OR6K2: variants seen among roughly 807,000 people sequenced by gnomAD.
OR6K2 encodes olfactory receptor family 6 subfamily K member 2, also known as olfactory receptor 6K2.
For missense variants in OR6K2, 450 were observed against 402.5 expected (o/e 1.12, Z -1.01); for synonymous variants, 139 against 143.8 (o/e 0.97, Z 0.24).
In OR6K2 at chr1:158,700,392, A is replaced by G. The variant is rs774876083; in HGVS notation, c.261T>C (p.Ser87=). Residue 87 remains serine (S), a synonymous_variant, in exon 1 of 1, where the codon AGT becomes AGC. Transcript: ENST00000359610. ...AACCATTGAAGGAAATGCTCCTCTC[A>G]CTAAGCAGGCTAGACAGCATCTTTG... ...TIPKMLSSLL[S]ERSISFNGCL... 1.9e-6 allele frequency: 3 copies of G among 1,614,228 alleles called. No homozygotes were observed. The highest frequency in any genetic ancestry group is 1.7e-6 in the Non-Finnish European group (2 of 1,180,042).
In OR6K2 at chr1:158,700,337, T is replaced by G; in HGVS notation, c.316A>C (p.Thr106Pro). ...CLLQMYFFHSTGICEVCLLTV... is the reference protein window; with the variant it reads ...CLLQMYFFHSPGICEVCLLTV... ...AAGAGACACACCTCACAGATGCCGG[T>G]GGAATGGAAGAAATACATCTGCAGG... The change falls in exon 1 of 1, where the codon ACC becomes CCC. Residue 106 changes from threonine (T) to proline (P), a missense_variant. Physicochemically the swap from Thr to Pro is conservative, Grantham distance 38. Transcript: ENST00000359610. 1 of 1,613,938 alleles carries G rather than the reference T, an allele frequency of 6.2e-7. No homozygotes were observed. The highest frequency in any genetic ancestry group is 2.2e-5 in the East Asian group (1 of 44,862).
In OR6K2 at chr1:158,700,273, C is replaced by T; in HGVS notation, c.380G>A (p.Ser127Asn). Reference sequence around the variant, plus strand: ...CATGATAGAGGGATAATGAAGAGGGCTGCATATGGCCAGGTAGTGGTCAAA... The same window carrying T: ...CATGATAGAGGGATAATGAAGAGGGTTGCATATGGCCAGGTAGTGGTCAAA... ...MAFDHYLAIC[S>N]PLHYPSIMTP... The change falls in exon 1 of 1, where the codon AGC becomes AAC. Residue 127 changes from serine (S) to asparagine (N), a missense_variant. Ser to Asn is a conservative substitution (Grantham distance 46). Transcript: ENST00000359610. The T allele has an allele frequency of 6.2e-7, 1 of 1,614,014 alleles. No individual in the cohort carries two copies. Among genetic ancestry groups the T allele is most frequent in the Non-Finnish European group, 8.5e-7 (1 of 1,180,000 alleles).
chr1:158,700,170 C>A lies in OR6K2; in HGVS notation c.483G>T (p.Trp161Cys), dbSNP rs1655761871. 1 of 1,613,822 alleles carries A rather than the reference C, an allele frequency of 6.2e-7. No individual in the cohort carries two copies. The highest frequency in any genetic ancestry group is 8.5e-7 in the Non-Finnish European group (1 of 1,179,944). ...AACCACAAAATGGCAGTGTAGAGATCCAGGCAATCTCAGGAAGGGGTGTGA... is the reference window on the plus strand; with the variant it reads ...AACCACAAAATGGCAGTGTAGAGATACAGGCAATCTCAGGAAGGGGTGTGA... ...GFITPLPEIAWISTLPFCGSN... is the reference protein window; with the variant it reads ...GFITPLPEIACISTLPFCGSN... The change falls in exon 1 of 1, where the codon TGG (tryptophan) becomes TGT (cysteine). Residue 161 changes from tryptophan (W) to cysteine (C), a missense_variant. Coordinates refer to ENST00000359610, the MANE Select transcript of OR6K2 (RefSeq NM_001005279.3).
In OR6K2 at chr1:158,699,868, C is replaced by A; in HGVS notation, c.785G>T (p.Arg262Leu). The change falls in exon 1 of 1, where the codon CGC (arginine) becomes CTC (leucine). Residue 262 changes from arginine (R) to leucine (L), a missense_variant. By Grantham distance (102) the Arg-to-Leu change is moderately radical. Transcript: ENST00000359610. ...GAACAAAGAGTAGGTGGCAGAGAAG[C>A]GTAGGTACATGAGAGTCACACTGCC... Reference protein sequence around the residue: ...FFGSVTLMYLRFSATYSLFWD... With the variant: ...FFGSVTLMYLLFSATYSLFWD... 4 of 1,613,966 alleles carry A rather than the reference C, an allele frequency of 2.5e-6. No homozygotes were observed. The highest frequency in any genetic ancestry group is 3.4e-6 in the Non-Finnish European group (4 of 1,180,002).
rs766655256 is a variant in OR6K2, at chr1:158,700,005, G to A, written c.648C>T (p.Phe216=). Residue 216 remains phenylalanine, a synonymous_variant, in exon 1 of 1, where the codon TTC becomes TTT. Transcript: ENST00000359610. ...VEIITAVMLI[F]MSYDGIVAVI... ...CAGCCACAATACCATCGTAGGACAT[G>A]AAGATGAGCATCACAGCTGTAATAA... 2 of 1,614,138 alleles carry A rather than the reference G, an allele frequency of 1.2e-6. No homozygotes were observed. Among genetic ancestry groups the A allele is most frequent in the African/African-American group, 1.3e-5 (1 of 75,050 alleles).
In OR6K2 at chr1:158,700,639, T is replaced by C. The variant is rs201083801; in HGVS notation, c.14A>G (p.Asn5Ser). Residue 5 changes from asparagine (N) to serine (S), a missense_variant, in exon 1 of 1, where the codon AAT (asparagine) becomes AGT (serine). Transcript: ENST00000359610. MESP[N>S]RTTIQEFIFS... ...GATAAACTCCTGAATGGTGGTTCGA[T>C]TGGGGCTCTCCATCTCCAAGTTGAA... 4.8e-5 allele frequency: 78 copies of C among 1,609,620 alleles called. No homozygotes were observed. Among genetic ancestry groups the C allele is most frequent in the South Asian group, 6.6e-5 (6 of 91,014 alleles).
Position 158,700,039 on chromosome 1 carries a change from G to A in OR6K2, c.614C>T (p.Ala205Val). ...CATCACAGCTGTAATAATCTCCACTGCATGAATGACATCCACTACCTGAAT... is the reference window on the plus strand; with the variant it reads ...CATCACAGCTGTAATAATCTCCACTACATGAATGACATCCACTACCTGAAT... ...VMIQVVDVIHAVEIITAVMLI... is the reference protein window; with the variant it reads ...VMIQVVDVIHVVEIITAVMLI... The change falls in exon 1 of 1, where the codon GCA becomes GTA. Residue 205 changes from alanine (A) to valine (V), a missense_variant. Ala to Val is a moderately conservative substitution (Grantham distance 64). Coordinates refer to ENST00000359610, the MANE Select transcript of OR6K2 (RefSeq NM_001005279.3). 1 of 1,614,022 alleles carries A rather than the reference G, an allele frequency of 6.2e-7. No individual in the cohort carries two copies. Among genetic ancestry groups the A allele is most frequent in the Non-Finnish European group, 8.5e-7 (1 of 1,180,022 alleles).
At position 158,700,531 on chromosome 1, in the gene OR6K2, CCAA is replaced by C. The variant is rs750913143; in HGVS notation, c.119_121del (p.Val40del). ...GACCACTGTGATGATGACCAGGTTTCCAACAACAATGAAAGCATAGATGAAGAG... is the reference window on the plus strand; with the variant it reads ...GACCACTGTGATGATGACCAGGTTTCCAACAATGAAAGCATAGATGAAGAG... On this transcript the variant is annotated inframe_deletion, in exon 1 of 1. Coordinates refer to ENST00000359610, the MANE Select transcript of OR6K2 (RefSeq NM_001005279.3). 6.2e-6 allele frequency: 10 copies of C among 1,614,068 alleles called. No individual in the cohort carries two copies. The highest frequency in any genetic ancestry group is 8.5e-6 in the Non-Finnish European group (10 of 1,180,002).
rs1196155400 is a variant in OR6K2, at chr1:158,699,993, A to T, written c.660T>A (p.Asp220Glu). Reference protein sequence around the residue: ...TAVMLIFMSYDGIVAVILRIH... With the variant: ...TAVMLIFMSYEGIVAVILRIH... ...TACGTAGAATTACAGCCACAATACC[A>T]TCGTAGGACATGAAGATGAGCATCA... is the stretch of plus-strand genomic sequence containing the variant. The change falls in exon 1 of 1, where the codon GAT becomes GAA. Residue 220 changes from aspartate to glutamate, a missense_variant. Coordinates refer to ENST00000359610, the MANE Select transcript of OR6K2 (RefSeq NM_001005279.3). 1 of 1,614,144 alleles carries T rather than the reference A, an allele frequency of 6.2e-7. No individual in the cohort carries two copies. The highest frequency in any genetic ancestry group is 2.2e-5 in the East Asian group (1 of 44,884).
Position 158,700,289 on chromosome 1 carries a change from A to G in OR6K2, c.364T>C (p.Tyr122His). 21 of 1,614,166 alleles carry G rather than the reference A, an allele frequency of 1.3e-5. No homozygotes were observed. Among genetic ancestry groups the G allele is most frequent in the Non-Finnish European group, 1.7e-5 (20 of 1,180,028 alleles). The change falls in exon 1 of 1, where the codon TAC (tyrosine) becomes CAC (histidine). Residue 122 changes from tyrosine to histidine, a missense_variant. By Grantham distance (83) the Tyr-to-His change is moderately conservative (BLOSUM62 2). Coordinates refer to ENST00000359610, the MANE Select transcript of OR6K2 (RefSeq NM_001005279.3). ...CLLTVMAFDHYLAICSPLHYP... is the reference protein window; with the variant it reads ...CLLTVMAFDHHLAICSPLHYP... Reference sequence around the variant, plus strand: ...TGAAGAGGGCTGCATATGGCCAGGTAGTGGTCAAAGGCCATAACTGTCAAG... The same window carrying G: ...TGAAGAGGGCTGCATATGGCCAGGTGGTGGTCAAAGGCCATAACTGTCAAG...
Position 158,700,424 on chromosome 1 carries a change from T to C in OR6K2, c.229A>G (p.Thr77Ala). The change falls in exon 1 of 1, where the codon ACA becomes GCA. Residue 77 changes from threonine to alanine, a missense_variant. Coordinates refer to ENST00000359610, the MANE Select transcript of OR6K2 (RefSeq NM_001005279.3). ...AGGCTAGACAGCATCTTTGGGATTG[T>C]GGCTGTGGTATACCAAATCTCCAGG... ...SFLEIWYTTA[T>A]IPKMLSSLLS... 1 of 1,614,170 alleles carries C rather than the reference T, an allele frequency of 6.2e-7. No individual in the cohort carries two copies.
rs369203639 is a variant in OR6K2, at chr1:158,700,070, C to A, written c.583G>T (p.Val195Phe). The A allele has an allele frequency of 6.2e-7, 1 of 1,614,178 alleles. No homozygotes were observed. Among genetic ancestry groups the A allele is most frequent in the Middle Eastern group, 1.6e-4 (1 of 6,062 alleles). The change falls in exon 1 of 1, where the codon GTC (valine) becomes TTC (phenylalanine). Residue 195 changes from valine (V) to phenylalanine (F), a missense_variant. Coordinates refer to ENST00000359610, the MANE Select transcript of OR6K2 (RefSeq NM_001005279.3). ...RLACTDTRAIVMIQVVDVIHA... is the reference protein window; with the variant it reads ...RLACTDTRAIFMIQVVDVIHA... ...ATGACATCCACTACCTGAATCATGACGATGGCTCGTGTGTCTGTGCAGGCC... is the reference window on the plus strand; with the variant it reads ...ATGACATCCACTACCTGAATCATGAAGATGGCTCGTGTGTCTGTGCAGGCC...
rs1421845370 is a variant in OR6K2, at chr1:158,700,104, C to A, written c.549G>T (p.Val183=). The A allele has an allele frequency of 4.3e-6, 7 of 1,614,102 alleles. No homozygotes were observed. The highest frequency in any genetic ancestry group is 5.1e-6 in the Non-Finnish European group (6 of 1,180,024). The change falls in exon 1 of 1, where the codon GTG becomes GTT. Residue 183 remains valine (V), a synonymous_variant. Coordinates refer to ENST00000359610, the MANE Select transcript of OR6K2 (RefSeq NM_001005279.3). ...LEHIFCDFLP[V]LRLACTDTRA... ...GTGTGTCTGTGCAGGCCAGACGCAG[C>A]ACTGGGAGGAAGTCACAGAAGATAT...
rs750731380 is a variant in OR6K2, at chr1:158,700,129, T to C, written c.524A>G (p.His175Arg). 1.2e-6 allele frequency: 2 copies of C among 1,614,078 alleles called. No individual in the cohort carries two copies. The highest frequency in any genetic ancestry group is 4.5e-5 in the East Asian group (2 of 44,882). Reference sequence around the variant, plus strand: ...CACTGGGAGGAAGTCACAGAAGATATGTTCAAGGTGATTCGAACCACAAAA... The same window carrying C: ...CACTGGGAGGAAGTCACAGAAGATACGTTCAAGGTGATTCGAACCACAAAA... ...LPFCGSNHLE[H>R]IFCDFLPVLR... Residue 175 changes from histidine (H) to arginine (R), a missense_variant, in exon 1 of 1, where the codon CAT (histidine) becomes CGT (arginine). Coordinates refer to ENST00000359610, the MANE Select transcript of OR6K2 (RefSeq NM_001005279.3).
chr1:158,700,592 A>C lies in OR6K2; in HGVS notation c.61T>G (p.Trp21Gly). 6.2e-7 allele frequency: 1 copy of C among 1,614,018 alleles called. No homozygotes were observed. Among genetic ancestry groups the C allele is most frequent in the South Asian group, 1.1e-5 (1 of 91,086 alleles). ...ACAAAGCAGACAACAGACTTAACCC[A>C]GGAATAAGGGAAAGCGGAGAAGATA... ...EFIFSAFPYSWVKSVVCFVPL... is the reference protein window; with the variant it reads ...EFIFSAFPYSGVKSVVCFVPL... The change falls in exon 1 of 1, where the codon TGG (tryptophan) becomes GGG (glycine). Residue 21 changes from tryptophan to glycine, a missense_variant. Coordinates refer to ENST00000359610, the MANE Select transcript of OR6K2 (RefSeq NM_001005279.3).
chr1:158,700,539 A>G lies in OR6K2; in HGVS notation c.114T>C (p.Ile38=), dbSNP rs765201068. 1.9e-6 allele frequency: 3 copies of G among 1,614,054 alleles called. No individual in the cohort carries two copies. The highest frequency in any genetic ancestry group is 1.3e-5 in the African/African-American group (1 of 74,914). The change falls in exon 1 of 1, where the codon ATT becomes ATC. Residue 38 remains isoleucine, a synonymous_variant. Transcript: ENST00000359610. ...FVPLLFIYAF[I]VVGNLVIITV... ...TGATGATGACCAGGTTTCCAACAAC[A>G]ATGAAAGCATAGATGAAGAGCAGTG...
Position 158,699,807 on chromosome 1 carries a change from C to T in OR6K2, c.846G>A (p.Leu282=), listed in dbSNP as rs141159720. Residue 282 remains leucine, a synonymous_variant, in exon 1 of 1, where the codon TTG becomes TTA. Transcript: ENST00000359610. The part of the protein sequence containing the change: ...DIAIALAFAV[L]SPFFNPIIYS... ...AGATAATGGGGTTGAAGAAGGGAGA[C>T]AAAACTGCAAAGGCCAGAGCAATGG... The T allele has an allele frequency of 7.9e-5, 127 of 1,614,018 alleles. 1 individual carries two copies. In the African/African-American group the frequency reaches 1.4e-3, roughly 18 times the overall value.
In OR6K2 at chr1:158,699,942, T is replaced by A. The variant is rs766453910; in HGVS notation, c.711A>T (p.Thr237=). 7 of 1,614,170 alleles carry A rather than the reference T, an allele frequency of 4.3e-6. No homozygotes were observed. Among genetic ancestry groups the A allele is most frequent in the Non-Finnish European group, 5.1e-6 (6 of 1,180,034 alleles). Residue 237 remains threonine, a synonymous_variant, in exon 1 of 1, where the codon ACA becomes ACT. Transcript: ENST00000359610. The part of the protein sequence containing the change: ...LRIHSAGGRR[T]AFSTCVSHFI... Reference sequence around the variant, plus strand: ...AGTGAGAGACACACGTGGAAAATGCTGTGCGGCGGCCTCCAGCTGAATGAA... The same window carrying A: ...AGTGAGAGACACACGTGGAAAATGCAGTGCGGCGGCCTCCAGCTGAATGAA...
chr1:158,700,549 T>C lies in OR6K2; in HGVS notation c.104A>G (p.Tyr35Cys), dbSNP rs140594546. The C allele has an allele frequency of 1.1e-4, 185 of 1,614,000 alleles. No individual in the cohort carries two copies. The African/African-American group carries it at 2.2e-3, about 19-fold the overall frequency. Residue 35 changes from tyrosine (Y) to cysteine (C), a missense_variant, in exon 1 of 1, where the codon TAT becomes TGT. By Grantham distance (194) the Tyr-to-Cys change is radical. Coordinates refer to ENST00000359610, the MANE Select transcript of OR6K2 (RefSeq NM_001005279.3). ...CAGGTTTCCAACAACAATGAAAGCATAGATGAAGAGCAGTGGAACAAAGCA... is the reference window on the plus strand; with the variant it reads ...CAGGTTTCCAACAACAATGAAAGCACAGATGAAGAGCAGTGGAACAAAGCA... ...VVCFVPLLFI[Y>C]AFIVVGNLVI...
Sources: allele counts gnomAD v4.1 joint callset, GRCh38; gene constraint gnomAD v4.1.1; transcripts MANE v1.5; gene names NCBI Gene and HGNC (gene_info 2026-07-23, HGNC 2026-07-21).